IL34: variants seen among roughly 807,000 people sequenced by gnomAD.
IL34 encodes interleukin 34.
A neutral mutation model predicts 25.3 loss-of-function variants in IL34; 17 were observed. The observed-to-expected ratio is 0.67, with a 90% CI of 0.46 to 1.01. The LOEUF is 1.01. Among genes scored for constraint, IL34 ranks in the 50% least tolerant of loss-of-function variants. The pLI, the probability that IL34 is intolerant of heterozygous loss-of-function variation, is 0.00. For synonymous variants in IL34, 174 were observed against 140.9 expected (o/e 1.23, Z -1.66); for missense variants, 368 against 312.9 (o/e 1.18, Z -1.33).
chr16:70,628,280 T>C (rs2051439588), intron 1 of IL34, among the ~76,000 whole-genome samples: 2 of 152,210 alleles, frequency 1.3e-5, no homozygotes, highest in Non-Finnish European at 2.9e-5. Context: ...CTTATGATGT[T>C]AAATCTTCCC....
chr16:70,659,309 T>C (rs1357913785), intron 4 of IL34, among the ~76,000 whole-genome samples: 1 of 152,194 alleles, frequency 6.6e-6, no homozygotes, highest in African/African-American at 2.4e-5. Flanking sequence ...CCTCACGCAG[T>C]GGTGGGTGGC....
intron 1 of IL34, among the ~76,000 whole-genome samples, chr16:70,619,814 T>A (rs1024534947): frequency 6.6e-6 from 1 of 151,934 alleles, no homozygotes; most frequent in African/African-American, 2.4e-5. Flanking sequence ...GGCTGCCAGG[T>A]GAGTTGAACA....
At chr16:70,657,740 A>C (rs181171860) in intron 4 of IL34, among the ~76,000 whole-genome samples, 1 of 152,254 alleles carries the variant, frequency 6.6e-6, no homozygotes, top group East Asian at 1.9e-4. Context: ...GCACCATTGC[A>C]CTCCAGCTTG....
At chr16:70,656,745 G>T in intron 3 of IL34, 66 bp downstream of exon 3, 2 of 973,684 alleles carry the variant, frequency 2.1e-6, no homozygotes, top group Non-Finnish European at 3.3e-6. Context: ...CCCAGCCTCA[G>T]AGGCGCGCTG....
chr16:70,595,197 G>C (rs2050804737), intron 1 of IL34, among the ~76,000 whole-genome samples: 1 of 152,076 alleles, frequency 6.6e-6, no homozygotes, highest in Non-Finnish European at 1.5e-5. Context: ...CTGACCTCAG[G>C]TGATCCGCCC....
chr16:70,586,649 C>T (rs1184589963), intron 1 of IL34, among the ~76,000 whole-genome samples: 1 of 152,132 alleles, frequency 6.6e-6, no homozygotes, highest in African/African-American at 2.4e-5. Context: ...GGCAGAGTGG[C>T]GTGGGGTAGA....
chr16:70,641,046 C>T (rs2051770214), intron 1 of IL34, among the ~76,000 whole-genome samples: 1 of 152,110 alleles, frequency 6.6e-6, no homozygotes, highest in Non-Finnish European at 1.5e-5. Context: ...CCGAGGCAGG[C>T]AGATCACTTG....
intron 1 of IL34, among the ~76,000 whole-genome samples, chr16:70,626,639 G>A (rs1217782439): frequency 6.6e-6 from 1 of 151,956 alleles, no homozygotes; most frequent in Non-Finnish European, 1.5e-5. Flanking sequence ...CAGGTGATCT[G>A]CCCACCTCAG....
At chr16:70,650,845 C>G (rs2052059906) in intron 1 of IL34, among the ~76,000 whole-genome samples, 1 of 152,152 alleles carries the variant, frequency 6.6e-6, no homozygotes, top group African/African-American at 2.4e-5. Context: ...ATGTCTGCTC[C>G]CATTTCTACT....
intron 1 of IL34, among the ~76,000 whole-genome samples, chr16:70,591,053 C>A (rs1347177459): frequency 6.6e-6 from 1 of 152,248 alleles, no homozygotes; most frequent in Non-Finnish European, 1.5e-5. Context: ...ACTGTGGGGA[C>A]CATGCCAAGC....
At chr16:70,596,785 C>T (rs1054206948) in intron 1 of IL34, among the ~76,000 whole-genome samples, 3 of 152,164 alleles carry the variant, frequency 2.0e-5, no homozygotes, top group Non-Finnish European at 4.4e-5. Context: ...GAGACAAGGT[C>T]TGGCTATGTT....
At chr16:70,588,114 T>C (rs2050715138) in intron 1 of IL34, among the ~76,000 whole-genome samples, 1 of 152,088 alleles carries the variant, frequency 6.6e-6, no homozygotes, top group African/African-American at 2.4e-5. Flanking sequence ...GTGGGGATGT[T>C]AACTGGTGCA....
intron 1 of IL34, among the ~76,000 whole-genome samples, chr16:70,636,581 C>A (rs573383342): frequency 4.0e-5 from 5 of 124,714 alleles, no homozygotes; most frequent in Non-Finnish European, 8.0e-5. Flanking sequence ...CATAGCAAAC[C>A]CTGTCACACA....
At chr16:70,607,057 A>G (rs746514861) in intron 1 of IL34, among the ~76,000 whole-genome samples, 2 of 152,058 alleles carry the variant, frequency 1.3e-5, no homozygotes, top group Non-Finnish European at 2.9e-5. Flanking sequence ...TGCTGAATTC[A>G]TTTACTAGCT....
chr16:70,611,097 G>A (rs1295523351), intron 1 of IL34, among the ~76,000 whole-genome samples: 2 of 152,194 alleles, frequency 1.3e-5, no homozygotes, highest in East Asian at 1.9e-4. Context: ...TCCCGCCTCA[G>A]CCTCCTGAGT....
Position 70,628,786 on chromosome 16 carries a change from C to CTTT in IL34, c.-400-17744_-400-17742dup, listed in dbSNP as rs71387533. On this transcript the variant is annotated intron_variant, in intron 1 of 6. Transcript: ENST00000429149. ...ACAGGCATGAGCCATCACACCTGGT[C>CTTT]TTTTTTTTTTTTTTTTTTTTGAGAC... 2.9e-3 allele frequency among the ~76,000 whole-genome samples: 330 copies of CTTT among 115,090 alleles called. 9 individuals carry two copies. The highest frequency in any genetic ancestry group is 8.6e-3 in the African/African-American group (261 of 30,386). 75.5% of individuals were successfully genotyped at this position (115,090 alleles called of 152,430 possible).
chr16:70,651,354 G>C (rs1419720060), intron 1 of IL34, among the ~76,000 whole-genome samples: 1 of 152,202 alleles, frequency 6.6e-6, no homozygotes, highest in African/African-American at 2.4e-5. Flanking sequence ...ATGTTAAAGG[G>C]CCAAACACTG....
In IL34 at chr16:70,652,868, A is replaced by G. The variant is rs2052114963; in HGVS notation, c.29-1670A>G. On this transcript the variant is annotated intron_variant, in intron 1 of 5. Transcript: ENST00000288098. Reference sequence around the variant, plus strand: ...TGCTTTCCAGGACAGCACTTGTCTCACTACTTGGCCAACATCAAGTAGTAA... The same window carrying G: ...TGCTTTCCAGGACAGCACTTGTCTCGCTACTTGGCCAACATCAAGTAGTAA... Among the ~76,000 whole-genome samples the G allele has an allele frequency of 2.0e-5, 3 of 152,322 alleles. No homozygotes were observed. The South Asian group carries it at 6.2e-4, about 32-fold the overall frequency.
chr16:70,654,820 C>T (rs1235892510), intron 2 of IL34, 149 bp downstream of exon 2: 2 of 1,031,178 alleles, frequency 1.9e-6, no homozygotes, highest in African/African-American at 1.6e-5. Flanking sequence ...GAAACCTACC[C>T]ATGCACCTGG....
Sources: gnomAD v4.1 joint callset for allele counts (sites outside exome capture counted in the v4.1 genomes callset) on GRCh38, gnomAD v4.1.1 for gene constraint, MANE v1.5 for transcripts, NCBI Gene and HGNC (gene_info 2026-07-23, HGNC 2026-07-21) for gene names.